Variants in FOXN3 observed in about 807,000 individuals in gnomAD.
FOXN3 encodes the protein forkhead box N3, also known as forkhead box protein N3.
In FOXN3, 7 loss-of-function variants were observed where a neutral mutation model predicts 38.4. That is an observed-to-expected ratio of 0.18 (90% CI 0.10 to 0.34). FOXN3 has a LOEUF of 0.34. FOXN3 is among the 10% of genes least tolerant of loss of function. The probability of loss-of-function intolerance (pLI) is 1.00; values close to 1 mark genes in which losing one functional copy is unlikely to be tolerated. For missense variants in FOXN3, 456 were observed against 613.4 expected, an observed-to-expected ratio of 0.74 and a Z score of 2.71; for synonymous variants, 230 against 242.2, an observed-to-expected ratio of 0.95 and a Z score of 0.47.
chr14:89,163,973 CT>C lies in FOXN3; in HGVS notation c.852-1005del, dbSNP rs1328571781. The stretch of plus-strand genomic sequence containing the variant: ...GCACTCATCACACCTCTGATTATTT[CT>C]TTGTGTCTTTACATCTGAGCGATGT... On this transcript the variant is annotated intron_variant, in intron 5 of 5. Coordinates refer to ENST00000557258, the MANE Select transcript of FOXN3 (RefSeq NM_005197.4). The surrounding 1 kb of genome is among the most constrained non-coding windows in gnomAD (Gnocchi z 4.3). Among the ~76,000 whole-genome samples the C allele has an allele frequency of 6.6e-6, 1 of 152,240 alleles. No homozygotes were observed. Among genetic ancestry groups the C allele is most frequent in the Non-Finnish European group, 1.5e-5 (1 of 68,048 alleles).
intron 1 of FOXN3, among the ~76,000 whole-genome samples, chr14:89,560,760 G>A (rs540459695): frequency 7.5e-4 from 114 of 152,304 alleles, no homozygotes; most frequent in African/African-American, 2.6e-3. Context: ...ACTAGCATAA[G>A]CACTTTATAC....
intron 1 of FOXN3, among the ~76,000 whole-genome samples, chr14:89,491,385 G>A (rs992707685): frequency 2.0e-5 from 3 of 152,202 alleles, no homozygotes; most frequent in Non-Finnish European, 2.9e-5. Context: ...AGATCTGTAA[G>A]GTTTTACAGA....
At chr14:89,426,214 GA>G (rs1344119739) in intron 1 of FOXN3, among the ~76,000 whole-genome samples, 1 of 71,084 alleles carries the variant, frequency 1.4e-5, no homozygotes, top group Non-Finnish European at 2.9e-5. Flanking sequence ...CAGGAGTACT[GA>G]TTTTTTTTTT....
chr14:89,210,242 G>C lies in FOXN3; in HGVS notation c.746-29436C>G, dbSNP rs144554154. On this transcript the variant is annotated intron_variant, in intron 4 of 5. Transcript: ENST00000557258. Reference sequence around the variant, plus strand: ...GCACCATCCCTTTGGTGCTGCTCTTGCAATGGAGTTCTCACAAGATCTGGT... The same window carrying C: ...GCACCATCCCTTTGGTGCTGCTCTTCCAATGGAGTTCTCACAAGATCTGGT... Among the ~76,000 whole-genome samples the C allele has an allele frequency of 2.2e-4, 33 of 152,308 alleles. 2 individuals are homozygous for C. The East Asian group carries it at 4.2e-3, about 20-fold the overall frequency.
intron 1 of FOXN3, among the ~76,000 whole-genome samples, chr14:89,425,917 C>G (rs1266051078): frequency 2.0e-5 from 3 of 152,072 alleles, no homozygotes; most frequent in Admixed American, 6.6e-5. Context: ...TGTTCATTCA[C>G]AACGAACTGT....
chr14:89,371,978 C>T (rs967358032), intron 2 of FOXN3, among the ~76,000 whole-genome samples: 1 of 152,118 alleles, frequency 6.6e-6, no homozygotes, highest in African/African-American at 2.4e-5. Flanking sequence ...GCACCCCCGG[C>T]TTTGCTAGTT....
chr14:89,460,789 G>C (rs1408786593), intron 1 of FOXN3, among the ~76,000 whole-genome samples: 2 of 152,088 alleles, frequency 1.3e-5, no homozygotes, highest in Non-Finnish European at 2.9e-5. Flanking sequence ...CCAGCACTTT[G>C]GGAGGCCGAG....
At chr14:89,290,529 G>T in intron 3 of FOXN3, 2 of 534,212 alleles carry the variant, frequency 3.7e-6, no homozygotes, top group Non-Finnish European at 3.7e-6. Context: ...CATCGGGAGA[G>T]CTGATTTTTC....
At chr14:89,470,381 T>C (rs1358498779) in intron 1 of FOXN3, among the ~76,000 whole-genome samples, 2 of 152,198 alleles carry the variant, frequency 1.3e-5, no homozygotes. Flanking sequence ...CTACTGACTC[T>C]AGAATCATAA....
intron 1 of FOXN3, chr14:89,576,699 A>ATGT (rs1895630646): frequency 6.6e-6 from 1 of 152,194 alleles, no homozygotes; most frequent in East Asian, 1.9e-4. Context: ...AATTCGGATC[A>ATGT]GATGTCTTCT....
intron 1 of FOXN3, among the ~76,000 whole-genome samples, chr14:89,603,074 T>C (rs1334376875): frequency 6.6e-6 from 1 of 152,018 alleles, no homozygotes; most frequent in Admixed American, 6.6e-5. Context: ...GCAATCCCCC[T>C]TGCAGTCAGA....
At chr14:89,294,458 C>A (rs920276823) in intron 3 of FOXN3, among the ~76,000 whole-genome samples, 4 of 152,180 alleles carry the variant, frequency 2.6e-5, no homozygotes, top group Non-Finnish European at 4.4e-5. Context: ...CCAGAGGCGT[C>A]TGAACCACAG....
At chr14:89,491,111 C>T (rs965096766) in intron 1 of FOXN3, among the ~76,000 whole-genome samples, 5 of 151,694 alleles carry the variant, frequency 3.3e-5, no homozygotes, top group South Asian at 2.1e-4. Context: ...TACAGGCATG[C>T]GCCACCACAC....
intron 4 of FOXN3, among the ~76,000 whole-genome samples, chr14:89,191,850 T>C (rs967165828): frequency 2.0e-5 from 3 of 150,750 alleles, no homozygotes; most frequent in African/African-American, 7.3e-5. Flanking sequence ...TAAAAGTTTA[T>C]TTTAATAAGT....
At chr14:89,286,937 G>A (rs1437955046) in intron 3 of FOXN3, among the ~76,000 whole-genome samples, 2 of 152,156 alleles carry the variant, frequency 1.3e-5, no homozygotes, top group Non-Finnish European at 2.9e-5. Context: ...AATTAAAAGG[G>A]ATCTCTGTGG....
At chr14:89,430,926 A>G (rs1892141683) in intron 1 of FOXN3, among the ~76,000 whole-genome samples, 1 of 152,240 alleles carries the variant, frequency 6.6e-6, no homozygotes, top group Non-Finnish European at 1.5e-5. Context: ...TGCTAAAGGC[A>G]TGATAAATCA....
chr14:89,531,680 T>A (rs1894574663), intron 1 of FOXN3, among the ~76,000 whole-genome samples: 1 of 152,276 alleles, frequency 6.6e-6, no homozygotes, highest in South Asian at 2.1e-4. Flanking sequence ...TTTGGCAGGT[T>A]TGGAATGGAG....
intron 4 of FOXN3, among the ~76,000 whole-genome samples, chr14:89,222,153 GA>G (rs1884488046): frequency 6.6e-6 from 1 of 152,158 alleles, no homozygotes; most frequent in South Asian, 2.1e-4. Context: ...TGTCACCGTG[GA>G]AACCCATCAC....
At chr14:89,427,301 CTTTT>C (rs34755821) in intron 1 of FOXN3, among the ~76,000 whole-genome samples, 5 of 67,744 alleles carry the variant, frequency 7.4e-5, no homozygotes, top group African/African-American at 1.8e-4. Flanking sequence ...GAAAAGGGGA[CTTTT>C]TTTTTTTTTT....
Sources: gnomAD v4.1 joint callset for allele counts (sites outside exome capture counted in the v4.1 genomes callset) on GRCh38, gnomAD v4.1.1 for gene constraint, Gnocchi (gnomAD v3.1) non-coding constraint, MANE v1.5 for transcripts, NCBI Gene and HGNC (gene_info 2026-07-23, HGNC 2026-07-21) for gene names.